The following DRC11 variants were observed in gnomAD, a reference collection of about 807,000 sequenced individuals.
DRC11 encodes the protein dynein regulatory complex subunit 11, also known as IQ and AAA domain-containing protein 1.
At chr2:236,485,543 A>G in the DRC11 span, among the ~76,000 whole-genome samples, 2 of 152,220 alleles carry the variant, frequency 1.3e-5, no homozygotes, top group African/African-American at 4.8e-5. Context: ...TAAAATTACA[A>G]TGTCCTTTAA....
the DRC11 span, among the ~76,000 whole-genome samples, chr2:236,467,610 C>G: frequency 1.3e-5 from 2 of 152,080 alleles, no homozygotes; most frequent in South Asian, 2.1e-4. Flanking sequence ...ATTAGGGCAG[C>G]CTGCACCAAT....
the DRC11 span, among the ~76,000 whole-genome samples, chr2:236,434,991 A>G: frequency 1.3e-5 from 2 of 152,180 alleles, no homozygotes; most frequent in Non-Finnish European, 2.9e-5. This position sits in a 1 kb window ranked among gnomAD's most constrained non-coding sequence, Gnocchi z 5.5. Flanking sequence ...TTTGGTGCTC[A>G]TGGAATTCAG....
At chr2:236,503,718 C>A in the DRC11 span, 2 of 1,548,912 alleles carry the variant, frequency 1.3e-6, no homozygotes, top group Non-Finnish European at 1.7e-6. This position sits in a 1 kb window ranked among gnomAD's most constrained non-coding sequence, Gnocchi z 4.9. Context: ...TGCTCCCCAG[C>A]TGTCCTGATG....
the DRC11 span, among the ~76,000 whole-genome samples, chr2:236,402,930 T>G: frequency 5.3e-5 from 8 of 152,222 alleles, no homozygotes; most frequent in Admixed American, 1.3e-4. The surrounding 1 kb of genome is among the most constrained non-coding windows in gnomAD (Gnocchi z 6.0). Context: ...GATATATTAT[T>G]TATCATCTGT....
the DRC11 span, among the ~76,000 whole-genome samples, chr2:236,356,002 G>T: frequency 6.6e-6 from 1 of 152,178 alleles, no homozygotes; most frequent in Non-Finnish European, 1.5e-5. Flanking sequence ...CGGGTGGATG[G>T]TACTGGGGCA....
chr2:236,431,763 GTTCC>G, the DRC11 span, among the ~76,000 whole-genome samples: 2 of 152,148 alleles, frequency 1.3e-5, no homozygotes, highest in Non-Finnish European at 2.9e-5. This position sits in a 1 kb window ranked among gnomAD's most constrained non-coding sequence, Gnocchi z 4.2. Context: ...TCAGTTGTGT[GTTCC>G]TTTTTAATTG....
At chr2:236,435,682 C>T in the DRC11 span, among the ~76,000 whole-genome samples, 1 of 152,278 alleles carries the variant, frequency 6.6e-6, no homozygotes, top group South Asian at 2.1e-4. Context: ...ATCACAAGAA[C>T]AGTCTGGGGG....
At chr2:236,327,883 T>C in the DRC11 span, among the ~76,000 whole-genome samples, 226 of 151,646 alleles carry the variant, frequency 1.5e-3, 1 homozygote, top group African/African-American at 4.8e-3. Flanking sequence ...AGTTTCTCCA[T>C]GTTGGTCAGG....
At chr2:236,338,186 A>T in the DRC11 span, 1 of 1,609,154 alleles carries the variant, frequency 6.2e-7, no homozygotes, top group East Asian at 2.2e-5. Flanking sequence ...ATGCATGGGA[A>T]GGGGCTGGGG....
the DRC11 span, among the ~76,000 whole-genome samples, chr2:236,424,083 G>T: frequency 1.3e-5 from 2 of 150,860 alleles, no homozygotes; most frequent in African/African-American, 4.9e-5. Context: ...GATAGCATTG[G>T]GAGATATACC....
At chr2:236,408,264 C>T in the DRC11 span, 10 of 855,636 alleles carry the variant, frequency 1.2e-5, no homozygotes, top group Non-Finnish European at 2.0e-5. The surrounding 1 kb of genome is among the most constrained non-coding windows in gnomAD (Gnocchi z 5.5). Flanking sequence ...AGCCTTTCTG[C>T]CCAGCACGTG....
the DRC11 span, chr2:236,324,634 G>A: frequency 1.9e-6 from 2 of 1,035,036 alleles, no homozygotes; most frequent in Non-Finnish European, 2.9e-6. This position sits in a 1 kb window ranked among gnomAD's most constrained non-coding sequence, Gnocchi z 5.7. Flanking sequence ...AGAGACTCAA[G>A]CATGGTTCTT....
chr2:236,501,702 T>C, the DRC11 span, among the ~76,000 whole-genome samples: 429 of 152,240 alleles, frequency 2.8e-3, 1 homozygote, highest in Admixed American at 4.5e-3. Flanking sequence ...AGGCTAGACA[T>C]ACTAACAGGT....
At chr2:236,468,024 A>G in the DRC11 span, among the ~76,000 whole-genome samples, 1 of 152,336 alleles carries the variant, frequency 6.6e-6, no homozygotes, top group East Asian at 1.9e-4. Context: ...CATATATCAT[A>G]CTTTGTAAAT....
At chr2:236,375,555 A>C in the DRC11 span, among the ~76,000 whole-genome samples, 1 of 152,242 alleles carries the variant, frequency 6.6e-6, no homozygotes, top group Admixed American at 6.5e-5. This position sits in a 1 kb window ranked among gnomAD's most constrained non-coding sequence, Gnocchi z 4.2. Context: ...CTTAATAAAT[A>C]TTCCAGCAAA....
the DRC11 span, among the ~76,000 whole-genome samples, chr2:236,362,166 C>A: frequency 7.9e-5 from 12 of 152,116 alleles, no homozygotes; most frequent in African/African-American, 2.2e-4. The surrounding 1 kb of genome is among the most constrained non-coding windows in gnomAD (Gnocchi z 5.7). Flanking sequence ...TGGAGAGCTC[C>A]TCAAAATTCT....
chr2:236,401,201 G>A, the DRC11 span, among the ~76,000 whole-genome samples: 3 of 152,084 alleles, frequency 2.0e-5, no homozygotes, highest in Admixed American at 6.5e-5. The surrounding 1 kb of genome is among the most constrained non-coding windows in gnomAD (Gnocchi z 4.6). Flanking sequence ...GCCGCCTCCT[G>A]CCTCTGCCGT....
chr2:236,494,905 G>C, the DRC11 span, among the ~76,000 whole-genome samples: 1 of 152,156 alleles, frequency 6.6e-6, no homozygotes, highest in Non-Finnish European at 1.5e-5. This position sits in a 1 kb window ranked among gnomAD's most constrained non-coding sequence, Gnocchi z 4.2. Context: ...CCTGAGGAGA[G>C]AGGGCAGTAG....
the DRC11 span, chr2:236,441,195 T>C: frequency 9.8e-7 from 1 of 1,021,466 alleles, no homozygotes; most frequent in Non-Finnish European, 1.5e-6. Context: ...ATTTATTTGC[T>C]TATGTTCATT....
Sources: allele counts gnomAD v4.1 joint callset (sites outside exome capture counted in the v4.1 genomes callset), GRCh38; gene constraint gnomAD v4.1.1; non-coding constraint Gnocchi (gnomAD v3.1); transcripts MANE v1.5; gene names NCBI Gene and HGNC (gene_info 2026-07-23, HGNC 2026-07-21).